The following PLEK variants were observed in gnomAD, a reference collection of about 807,000 sequenced individuals.
PLEK encodes platelet 47 kDa protein.
A neutral mutation model predicts 43.9 loss-of-function variants in PLEK; 25 were observed. The ratio of observed to expected loss-of-function variants is 0.57; its 90% CI spans 0.41 to 0.79. The LOEUF is 0.79. Among genes scored for constraint, PLEK ranks in the 30% least tolerant of loss-of-function variants. The pLI, the probability that PLEK is intolerant of heterozygous loss-of-function variation, is 0.00. For synonymous variants in PLEK, 152 were observed against 144.4 expected (o/e 1.05, Z -0.38); for missense variants, 396 against 413.3 (o/e 0.96, Z 0.36).
At chr2:68,376,474 T>C (rs1271093923) in intron 1 of PLEK, among the ~76,000 whole-genome samples, 12 of 152,224 alleles carry the variant, frequency 7.9e-5, no homozygotes, top group African/African-American at 2.4e-5. Flanking sequence ...AAAGCTGAGT[T>C]ACATATTGTC....
At chr2:68,390,521 T>C (rs973049944) in intron 6 of PLEK, among the ~76,000 whole-genome samples, 5 of 152,194 alleles carry the variant, frequency 3.3e-5, no homozygotes, top group African/African-American at 1.2e-4. Context: ...TCCTCTGAAT[T>C]TTTTTTCAGA....
chr2:68,366,573 T>C (rs1474497978), intron 1 of PLEK, among the ~76,000 whole-genome samples: 1 of 152,246 alleles, frequency 6.6e-6, no homozygotes. Context: ...TTAAAGCAGA[T>C]TTATTCCAAG....
At chr2:68,370,871 A>G (rs955388210) in intron 1 of PLEK, among the ~76,000 whole-genome samples, 2 of 152,222 alleles carry the variant, frequency 1.3e-5, no homozygotes, top group South Asian at 2.1e-4. Flanking sequence ...ACGTGTCCCA[A>G]ATAAAGAAAC....
chr2:68,391,028 C>G (rs1330759910), intron 6 of PLEK, among the ~76,000 whole-genome samples: 1 of 152,162 alleles, frequency 6.6e-6, no homozygotes, highest in South Asian at 2.1e-4. Context: ...GTTCAGCATC[C>G]TTCTTGATTT....
rs1268185010 is a variant in PLEK, at chr2:68,393,242, T to C, written c.843T>C (p.Ala281=). The change falls in exon 7 of 9, where the codon GCT becomes GCC. Residue 281 remains alanine (A), a synonymous_variant. Coordinates refer to ENST00000234313, the MANE Select transcript of PLEK (RefSeq NM_002664.3). The part of the protein sequence containing the change: ...DPAYLHYYDP[A]GAEDPLGAIH... ...CCTACCTGCACTACTATGACCCTGC[T>C]GGGGTAAGGTCCTGTGGTTCATAAA... The C allele has an allele frequency of 1.3e-6, 2 of 1,589,554 alleles. No individual in the cohort carries two copies. The highest frequency in any genetic ancestry group is 2.7e-5 in the African/African-American group (2 of 74,416).
Position 68,385,231 on chromosome 2 carries a change from C to T in PLEK, c.473-1271C>T, listed in dbSNP as rs565472708. On this transcript the variant is annotated intron_variant, in intron 4 of 8. Coordinates refer to ENST00000234313, the MANE Select transcript of PLEK (RefSeq NM_002664.3). ...AAATCGTGGTAACTAGTGTATCCATCACCTCAAATATCTATCTTTTTTTGT... is the reference window on the plus strand; with the variant it reads ...AAATCGTGGTAACTAGTGTATCCATTACCTCAAATATCTATCTTTTTTTGT... Among the ~76,000 whole-genome samples, 4 of 152,282 alleles carry T rather than the reference C, an allele frequency of 2.6e-5. No individual in the cohort carries two copies. In the South Asian group the frequency reaches 8.3e-4, roughly 32 times the overall value.
intron 6 of PLEK, among the ~76,000 whole-genome samples, chr2:68,389,022 A>G (rs994953918): frequency 1.3e-5 from 2 of 152,216 alleles, no homozygotes; most frequent in African/African-American, 4.8e-5. Context: ...TCAAATGCAG[A>G]TTGAGGGCAT....
intron 1 of PLEK, among the ~76,000 whole-genome samples, chr2:68,366,466 G>A (rs1673276631): frequency 6.6e-6 from 1 of 152,214 alleles, no homozygotes; most frequent in Middle Eastern, 3.2e-3. Flanking sequence ...ATTGCCCCAA[G>A]TCACATGGCT....
chr2:68,382,448 C>T, intron 3 of PLEK, 94 bp from the exon 4 acceptor site: 1 of 725,050 alleles, frequency 1.4e-6, no homozygotes, highest in Non-Finnish European at 2.4e-6. Flanking sequence ...GTGCTCACCT[C>T]CCAGAGAGAA....
chr2:68,384,204 C>T (rs1189941888), intron 4 of PLEK, among the ~76,000 whole-genome samples: 1 of 139,742 alleles, frequency 7.2e-6, no homozygotes, highest in Non-Finnish European at 1.6e-5. Flanking sequence ...TCCTTCTCCT[C>T]CTTCTTCCTC....
In PLEK at chr2:68,396,588, T is replaced by C. The variant is rs1334721779; in HGVS notation, c.*772T>C. ...ACCGCCCAGAGGAGCCCTATTCCAC[T>C]CTGGTTTTAGGCTGATCTGAGAGGG... On this transcript the variant is annotated 3_prime_UTR_variant, in exon 9 of 9. Coordinates refer to ENST00000234313, the MANE Select transcript of PLEK (RefSeq NM_002664.3). 6.6e-6 allele frequency: 1 copy of C among 152,098 alleles called. No individual in the cohort carries two copies. Among genetic ancestry groups the C allele is most frequent in the African/African-American group, 2.4e-5 (1 of 41,394 alleles). The allele number at this position is 152,098 out of a possible 1,614,324, so 9.4% of individuals were successfully genotyped here. A position where few individuals can be genotyped will look rare whatever the true frequency, so the allele number is the denominator to read the frequency against.
At chr2:68,392,811 A>G (rs993712151) in intron 6 of PLEK, among the ~76,000 whole-genome samples, 8 of 152,220 alleles carry the variant, frequency 5.3e-5, no homozygotes, top group Non-Finnish European at 7.3e-5. Context: ...ATATTTCAAC[A>G]TAGGTCATAA....
At chr2:68,388,602 G>A in intron 6 of PLEK, 111 bp downstream of exon 6, 3 of 620,894 alleles carry the variant, frequency 4.8e-6, no homozygotes, top group Non-Finnish European at 9.0e-6. Context: ...AGCAGAAAAT[G>A]AAACCCACAA....
chr2:68,380,507 G>C, intron 2 of PLEK, 24 bp downstream of exon 2: 3 of 1,607,678 alleles, frequency 1.9e-6, no homozygotes, highest in Non-Finnish European at 2.6e-6. Context: ...ATGAGCTGCC[G>C]TGAACCCCTG....
intron 3 of PLEK, 49 bp downstream of exon 3, chr2:68,380,953 A>C: frequency 6.6e-7 from 1 of 1,513,746 alleles, no homozygotes; most frequent in Non-Finnish European, 9.1e-7. Context: ...TGAAAGACAC[A>C]AACATAGCAG....
chr2:68,386,851 C>T (rs1673755181), intron 5 of PLEK, among the ~76,000 whole-genome samples, 165 bp downstream of exon 5: 1 of 152,160 alleles, frequency 6.6e-6, no homozygotes. Flanking sequence ...CCATTTAGAG[C>T]TTCTGTTATA....
At chr2:68,375,302 C>G (rs886226208) in intron 1 of PLEK, among the ~76,000 whole-genome samples, 1 of 152,140 alleles carries the variant, frequency 6.6e-6, no homozygotes, top group East Asian at 1.9e-4. Context: ...ATGTTGAACA[C>G]TTTTTCATAA....
At chr2:68,378,304 A>G (rs1673544984) in intron 1 of PLEK, among the ~76,000 whole-genome samples, 1 of 152,174 alleles carries the variant, frequency 6.6e-6, no homozygotes, top group Non-Finnish European at 1.5e-5. Context: ...TCGAGTTTTG[A>G]CCCCAAATCA....
At position 68,393,243 on chromosome 2, in the gene PLEK, G is replaced by A; in HGVS notation, c.844G>A (p.Gly282Arg). Residue 282 changes from glycine to arginine, a missense_variant and splice_region_variant, in exon 7 of 9, where the codon GGG (glycine) becomes AGG (arginine). Coordinates refer to ENST00000234313, the MANE Select transcript of PLEK (RefSeq NM_002664.3). ...CTACCTGCACTACTATGACCCTGCT[G>A]GGGTAAGGTCCTGTGGTTCATAAAT... is the stretch of plus-strand genomic sequence containing the variant. ...PAYLHYYDPA[G>R]AEDPLGAIHL... The A allele has an allele frequency of 6.9e-6, 11 of 1,589,922 alleles. No individual in the cohort carries two copies. The highest frequency in any genetic ancestry group is 1.7e-5 in the Admixed American group (1 of 59,958).
Sources: gnomAD v4.1 joint callset for allele counts (sites outside exome capture counted in the v4.1 genomes callset) on GRCh38, gnomAD v4.1.1 for gene constraint, MANE v1.5 for transcripts, NCBI Gene and HGNC (gene_info 2026-07-23, HGNC 2026-07-21) for gene names.